Variants in FAM13B observed in about 807,000 individuals in gnomAD.
FAM13B encodes the protein family with sequence similarity 13 member B.
Under a neutral mutation model 117.3 loss-of-function variants are expected in FAM13B, and 60 were observed. That is an observed-to-expected ratio of 0.51 (90% CI 0.42 to 0.63). The LOEUF (loss-of-function observed/expected upper bound fraction) is 0.63, where lower values mean the gene tolerates loss of function less well. Among genes scored for constraint, FAM13B ranks in the 30% least tolerant of loss-of-function variants. FAM13B has a pLI of 0.00. For missense variants in FAM13B, 972 were observed against 1,091.9 expected (o/e 0.89, Z 1.55); for synonymous variants, 332 against 356.1 (o/e 0.93, Z 0.76).
chr5:138,009,802 CA>C (rs756061969), intron 6 of FAM13B, among the ~76,000 whole-genome samples: 935 of 80,442 alleles, frequency 0.012, 6 homozygotes, highest in African/African-American at 0.037. Flanking sequence ...GAGACTGTCT[CA>C]AAAAAAAAAA....
chr5:138,046,045 G>A (rs1791632767), intron 1 of FAM13B, among the ~76,000 whole-genome samples: 1 of 152,170 alleles, frequency 6.6e-6, no homozygotes, highest in Non-Finnish European at 1.5e-5. Flanking sequence ...GATGCAGTGG[G>A]AAGTAATTGA....
At position 138,030,410 on chromosome 5, in the gene FAM13B, C is replaced by CTT. The variant is rs59704298; in HGVS notation, c.-203+2370_-203+2371dup. On this transcript the variant is annotated intron_variant, in intron 1 of 23. Coordinates refer to ENST00000689681, the MANE Select transcript of FAM13B (RefSeq NM_001385994.1). Reference sequence around the variant, plus strand: ...AACAGGAGCATGCCACCATGCCTGGCTTTTTTTTTTTTTTTTTCTGTAAAG... The same window carrying CTT: ...AACAGGAGCATGCCACCATGCCTGGCTTTTTTTTTTTTTTTTTTTCTGTAAAG... Among the ~76,000 whole-genome samples, 1,242 of 135,420 alleles carry CTT rather than the reference C, an allele frequency of 9.2e-3. 21 individuals are homozygous for CTT. Among genetic ancestry groups the CTT allele is most frequent in the African/African-American group, 0.031 (1,146 of 36,582 alleles). The allele number at this position is 135,420 out of a possible 152,430, so 88.8% of individuals were successfully genotyped here. A position where few individuals can be genotyped will look rare whatever the true frequency, so the allele number is the denominator to read the frequency against.
chr5:138,019,023 T>A lies in FAM13B; in HGVS notation c.89A>T (p.Gln30Leu), dbSNP rs376786070. Residue 30 changes from glutamine to leucine, a missense_variant, in exon 3 of 24, where the codon CAG becomes CTG. Physicochemically the swap from Gln to Leu is moderately radical, Grantham distance 113. Coordinates refer to ENST00000689681, the MANE Select transcript of FAM13B (RefSeq NM_001385994.1). The stretch of plus-strand genomic sequence containing the variant: ...AACCTCATTGTCTGGATGTCCTCCC[T>A]GCTGCAGCTCATCAAGTGGAATTCC... The part of the protein sequence containing the change: ...IFGIPLDELQ[Q>L]GGHPDNEVPF... 6.2e-7 allele frequency: 1 copy of A among 1,614,034 alleles called. No individual in the cohort carries two copies. The highest frequency in any genetic ancestry group is 1.3e-5 in the African/African-American group (1 of 74,930).
rs758267427 is a variant in FAM13B, at chr5:137,942,014, T to C, written c.2620A>G (p.Arg874Gly). 2 of 1,614,084 alleles carry C rather than the reference T, an allele frequency of 1.2e-6. No individual in the cohort carries two copies. The highest frequency in any genetic ancestry group is 4.5e-5 in the East Asian group (2 of 44,874). Residue 874 changes from arginine to glycine, a missense_variant, in exon 23 of 24, where the codon AGA (arginine) becomes GGA (glycine). Coordinates refer to ENST00000689681, the MANE Select transcript of FAM13B (RefSeq NM_001385994.1). Reference sequence around the variant, plus strand: ...TTGCGTAGTTTCTTTTTTTCAGCTCTGGCTTTCCAAAGTTGTTCCAATAAT... The same window carrying C: ...TTGCGTAGTTTCTTTTTTTCAGCTCCGGCTTTCCAAAGTTGTTCCAATAAT... ...PELLEQLWKA[R>G]AEKKKLRKTL...
chr5:138,002,551 A>G (rs1781515570), intron 7 of FAM13B, among the ~76,000 whole-genome samples: 1 of 152,170 alleles, frequency 6.6e-6, no homozygotes. Flanking sequence ...ACAAAAAACA[A>G]ACAGATATCC....
At chr5:137,996,131 AGTTTTTT>A (rs978726516) in intron 7 of FAM13B, among the ~76,000 whole-genome samples, 5 of 152,084 alleles carry the variant, frequency 3.3e-5, no homozygotes, top group South Asian at 2.1e-4. Context: ...AGTGGAAACC[AGTTTTTT>A]GTTTTTTGTT....
At chr5:137,954,108 C>T in intron 15 of FAM13B, 58 bp downstream of exon 15, 2 of 1,117,230 alleles carry the variant, frequency 1.8e-6, no homozygotes, top group Admixed American at 2.2e-5. Flanking sequence ...CTAAATCTCT[C>T]AAAAGACTTG....
rs1309960921 is a variant in FAM13B, at chr5:137,970,057, C to T, written c.1180-7588G>A. Among the ~76,000 whole-genome samples, 64 of 152,220 alleles carry T rather than the reference C, an allele frequency of 4.2e-4. No homozygotes were observed. In the East Asian group the frequency reaches 0.012, roughly 28 times the overall value. Reference sequence around the variant, plus strand: ...TTCTGCAGGATATTATCCAGGAGAACTTCCCCAATCTAGCAAGGCAGGCCA... The same window carrying T: ...TTCTGCAGGATATTATCCAGGAGAATTTCCCCAATCTAGCAAGGCAGGCCA... On this transcript the variant is annotated intron_variant, in intron 10 of 23. Coordinates refer to ENST00000689681, the MANE Select transcript of FAM13B (RefSeq NM_001385994.1).
chr5:137,967,804 G>T (rs1467129034), intron 10 of FAM13B, among the ~76,000 whole-genome samples: 2 of 151,970 alleles, frequency 1.3e-5, no homozygotes, highest in Admixed American at 1.3e-4. Context: ...GAGGTGGGAG[G>T]ATTGCTTGAG....
At chr5:138,041,237 T>C (rs115272468) in intron 1 of FAM13B, among the ~76,000 whole-genome samples, 169 of 152,246 alleles carry the variant, frequency 1.1e-3, no homozygotes, top group African/African-American at 3.8e-3. Flanking sequence ...ATGCGAGAAG[T>C]AATGGTGAAC....
intron 6 of FAM13B, among the ~76,000 whole-genome samples, chr5:138,007,584 T>C (rs1364731922): frequency 6.6e-6 from 1 of 152,114 alleles, no homozygotes. Context: ...GCAAAAAAAA[T>C]GTTGCCTTAA....
chr5:137,975,120 C>T (rs1773534238), intron 10 of FAM13B, among the ~76,000 whole-genome samples: 1 of 152,124 alleles, frequency 6.6e-6, no homozygotes. Context: ...TTGCTGACTC[C>T]TGCTCTATCT....
At chr5:138,022,712 T>C (rs1427198857) in intron 1 of FAM13B, among the ~76,000 whole-genome samples, 1 of 152,204 alleles carries the variant, frequency 6.6e-6, no homozygotes, top group Non-Finnish European at 1.5e-5. Flanking sequence ...GGGGATTTGC[T>C]TGATGTACTA....
chr5:138,009,588 C>T (rs1426940085), intron 6 of FAM13B, among the ~76,000 whole-genome samples: 4 of 152,010 alleles, frequency 2.6e-5, no homozygotes, highest in African/African-American at 7.2e-5. Flanking sequence ...GTGGATCACC[C>T]GAGGCCTGGA....
chr5:137,966,488 T>TATATATAGAGAGAGAG (rs1461425784), intron 10 of FAM13B, among the ~76,000 whole-genome samples: 12 of 29,474 alleles, frequency 4.1e-4, no homozygotes, highest in Admixed American at 5.3e-4. Context: ...TATATATATA[T>TATATATAGAGAGAGAG]AGAGAGAGAG....
chr5:138,030,621 C>T (rs900486591), intron 1 of FAM13B, among the ~76,000 whole-genome samples: 16 of 151,948 alleles, frequency 1.1e-4, no homozygotes, highest in African/African-American at 3.6e-4. Flanking sequence ...CCAAAGTCCA[C>T]CAGTGGGTTT....
chr5:137,953,378 G>A lies in FAM13B; in HGVS notation c.1806C>T (p.Ile602=). The change falls in exon 16 of 24, where the codon ATC becomes ATT. Residue 602 remains isoleucine (I), a synonymous_variant. Transcript: ENST00000689681. The part of the protein sequence containing the change: ...YQLVKKLQKK[I]RQFEEQFERE... The stretch of plus-strand genomic sequence containing the variant: ...TTTCAAACTGTTCCTCAAATTGTCT[G>A]ATTTTCTTCTGAAGTTTCTTGACCA... 1 of 1,613,954 alleles carries A rather than the reference G, an allele frequency of 6.2e-7. No individual in the cohort carries two copies.
intron 6 of FAM13B, among the ~76,000 whole-genome samples, chr5:138,010,046 T>C (rs1037394847): frequency 1.3e-5 from 2 of 151,986 alleles, no homozygotes; most frequent in African/African-American, 4.8e-5. Context: ...AGTGCTACGA[T>C]CTTGGCTCAC....
At chr5:138,021,506 C>T (rs1167512194) in intron 1 of FAM13B, among the ~76,000 whole-genome samples, 4 of 151,960 alleles carry the variant, frequency 2.6e-5, no homozygotes, top group Non-Finnish European at 5.9e-5. Flanking sequence ...TGTGTGGACA[C>T]CCTACCCCAT....
Sources: allele counts gnomAD v4.1 joint callset (sites outside exome capture counted in the v4.1 genomes callset), GRCh38; gene constraint gnomAD v4.1.1; transcripts MANE v1.5; gene names NCBI Gene and HGNC (gene_info 2026-07-23, HGNC 2026-07-21).